KDM4C: variants seen among roughly 807,000 people sequenced by gnomAD.
KDM4C encodes the protein lysine demethylase 4C, also known as lysine-specific demethylase 4C.
Under a neutral mutation model 129.3 loss-of-function variants are expected in KDM4C, and 81 were observed. The observed-to-expected ratio is 0.63, with a 90% CI of 0.52 to 0.75. The LOEUF is 0.75. KDM4C is among the 30% of genes least tolerant of loss of function. The pLI is 0.00. For missense variants in KDM4C, 1,457 were observed against 1,304.0 expected, an observed-to-expected ratio of 1.12 and a Z score of -1.81; for synonymous variants, 573 against 456.1, an observed-to-expected ratio of 1.26 and a Z score of -3.26.
intron 15 of KDM4C, among the ~76,000 whole-genome samples, chr9:7,039,740 C>A (rs1828239117): frequency 6.7e-6 from 1 of 148,982 alleles, no homozygotes. Flanking sequence ...TATATTTATT[C>A]ATTGAGTGGA....
At chr9:7,173,243 A>G (rs933726867) in intron 21 of KDM4C, among the ~76,000 whole-genome samples, 9 of 152,262 alleles carry the variant, frequency 5.9e-5, no homozygotes, top group African/African-American at 2.2e-4. Context: ...TGCCGAGGGC[A>G]GAGACAGTAG....
At chr9:7,060,737 C>T (rs753470642) in intron 17 of KDM4C, among the ~76,000 whole-genome samples, 19 of 152,082 alleles carry the variant, frequency 1.2e-4, no homozygotes, top group African/African-American at 1.9e-4. Flanking sequence ...GCCTCGGCCT[C>T]CCAAAGTGCT....
intron 1 of KDM4C, among the ~76,000 whole-genome samples, chr9:6,740,379 A>G (rs570847957): frequency 1.3e-5 from 2 of 150,484 alleles, no homozygotes; most frequent in Non-Finnish European, 3.0e-5. Flanking sequence ...AATTTTTTGT[A>G]TTTTTAGTAG....
In KDM4C at chr9:6,732,143, G is replaced by A. The variant is rs189469418; in HGVS notation, c.49+11146G>A. On this transcript the variant is annotated intron_variant, in intron 1 of 17. Coordinates refer to the KDM4C transcript ENST00000536108. The stretch of plus-strand genomic sequence containing the variant: ...AGCACTTGGGAGGCCAAGGTGGGCG[G>A]ATCACGAGGTCAGGAGATTGAGACC... Among the ~76,000 whole-genome samples, 1,425 of 151,810 alleles carry A rather than the reference G, an allele frequency of 9.4e-3. 12 individuals are homozygous for A. The highest frequency in any genetic ancestry group is 0.012 in the Non-Finnish European group (836 of 67,918).
chr9:6,880,178 A>G (rs145142568), intron 6 of KDM4C, 117 bp downstream of exon 6: 12 of 489,228 alleles, frequency 2.5e-5, no homozygotes, highest in African/African-American at 4.0e-5. Flanking sequence ...GTTTTATTCT[A>G]TTCAAGTTAT....
intron 8 of KDM4C, among the ~76,000 whole-genome samples, chr9:6,980,590 G>T (rs1046478269): frequency 6.6e-6 from 1 of 151,996 alleles, no homozygotes; most frequent in African/African-American, 2.4e-5. Context: ...ACCTTTTAGC[G>T]CTCAGTTCAT....
chr9:6,903,656 C>T (rs923998673), intron 8 of KDM4C, among the ~76,000 whole-genome samples: 2 of 152,120 alleles, frequency 1.3e-5, no homozygotes, highest in African/African-American at 4.8e-5. Flanking sequence ...CATTGAATAA[C>T]CAATTGTGTC....
intron 1 of KDM4C, among the ~76,000 whole-genome samples, chr9:6,761,514 C>T (rs1159483921): frequency 1.3e-5 from 2 of 151,868 alleles, no homozygotes; most frequent in East Asian, 2.0e-4. Flanking sequence ...TTTTTGTGGT[C>T]TTGCCATGGT....
At chr9:7,039,875 A>G (rs1193903081) in intron 15 of KDM4C, among the ~76,000 whole-genome samples, 4 of 152,054 alleles carry the variant, frequency 2.6e-5, no homozygotes, top group Non-Finnish European at 5.9e-5. Flanking sequence ...CATGCAGTTC[A>G]AGCTTACATT....
chr9:6,755,056 G>A (rs1001347136), upstream of KDM4C, among the ~76,000 whole-genome samples: 12 of 151,944 alleles, frequency 7.9e-5, no homozygotes, highest in African/African-American at 2.9e-4. Flanking sequence ...TGGCCAATGT[G>A]GCGAAACCCT....
intron 18 of KDM4C, among the ~76,000 whole-genome samples, chr9:7,125,676 T>C (rs1839960046): frequency 6.6e-6 from 1 of 152,240 alleles, no homozygotes; most frequent in Non-Finnish European, 1.5e-5. Context: ...TGATAAACTG[T>C]ATTTCCCAGG....
intron 2 of KDM4C, among the ~76,000 whole-genome samples, chr9:6,799,198 G>A (rs145620753): frequency 0.083 from 12,685 of 152,198 alleles, 718 homozygotes; most frequent in East Asian, 0.23. Context: ...CGGCACTTTG[G>A]GAGGCCAAGG....
intron 5 of KDM4C, among the ~76,000 whole-genome samples, 174 bp downstream of exon 5, chr9:6,849,874 A>C (rs974228200): frequency 6.6e-6 from 1 of 152,200 alleles, no homozygotes; most frequent in South Asian, 2.1e-4. Context: ...TTGTGCTTGG[A>C]AACCATAAAC....
At chr9:6,722,713 A>G (rs183722970) in intron 1 of KDM4C, among the ~76,000 whole-genome samples, 2 of 152,008 alleles carry the variant, frequency 1.3e-5, no homozygotes, top group East Asian at 3.9e-4. Flanking sequence ...GGGTTTCTCC[A>G]TGTTGGTCAG....
intron 8 of KDM4C, among the ~76,000 whole-genome samples, chr9:6,930,637 G>C (rs1338101740): frequency 4.1e-5 from 6 of 147,336 alleles, no homozygotes; most frequent in Non-Finnish European, 6.0e-5. Context: ...ATATTCATAT[G>C]TAATATGAAT....
intron 12 of KDM4C, among the ~76,000 whole-genome samples, chr9:7,005,410 G>A (rs1211666013): frequency 6.7e-6 from 1 of 148,426 alleles, no homozygotes; most frequent in Non-Finnish European, 1.5e-5. Flanking sequence ...ACTCCAGCCT[G>A]GGCAACAAAA....
rs533939898 is a variant in KDM4C at position 6,823,855 on chromosome 9, A to G, written c.435+9110A>G. Among the ~76,000 whole-genome samples, 8 of 151,908 alleles carry G rather than the reference A, an allele frequency of 5.3e-5. No homozygotes were observed. In the East Asian group the frequency reaches 5.8e-4, roughly 11 times the overall value. ...CCTTCAGTACGCACCATCACTTCCA[A>G]CTCTTCGTAGGCTTCTGTAGGTCTC... On this transcript the variant is annotated intron_variant, in intron 4 of 21. Coordinates refer to ENST00000381309, the MANE Select transcript of KDM4C (RefSeq NM_015061.6).
At chr9:6,981,185 G>C in intron 9 of KDM4C, 67 bp downstream of exon 9, 1 of 1,280,334 alleles carries the variant, frequency 7.8e-7, no homozygotes. Context: ...TGGGTCATTG[G>C]ATGTGGCAAT....
rs139304693 is a variant in KDM4C, at chr9:7,156,417, A to T, written c.2782-8821A>T. Reference sequence around the variant, plus strand: ...CATTGATTTTGGTGCTTTAGTCATGAAGTCCTTGGCCATGCCTGTGTCCTG... The same window carrying T: ...CATTGATTTTGGTGCTTTAGTCATGTAGTCCTTGGCCATGCCTGTGTCCTG... On this transcript the variant is annotated intron_variant, in intron 19 of 21. Transcript: ENST00000381309. Among the ~76,000 whole-genome samples the T allele has an allele frequency of 3.6e-3, 549 of 152,296 alleles. 4 individuals carry two copies. Among genetic ancestry groups the T allele is most frequent in the African/African-American group, 0.013 (531 of 41,562 alleles).
Sources: gnomAD v4.1 joint callset for allele counts (sites outside exome capture counted in the v4.1 genomes callset) on GRCh38, gnomAD v4.1.1 for gene constraint, MANE v1.5 for transcripts, NCBI Gene and HGNC (gene_info 2026-07-23, HGNC 2026-07-21) for gene names.